ZSCAN25: variants seen among roughly 807,000 people sequenced by gnomAD.
ZSCAN25 encodes zinc finger and SCAN domain containing 25.
In ZSCAN25, 27 loss-of-function variants were observed where a neutral mutation model predicts 38.7. The ratio of observed to expected loss-of-function variants is 0.70; its 90% CI spans 0.51 to 0.96. The LOEUF (loss-of-function observed/expected upper bound fraction) is 0.96, where lower values mean the gene tolerates loss of function less well. Ranked by LOEUF, ZSCAN25 falls within the 40% of genes least tolerant of loss-of-function variation. ZSCAN25 has a pLI of 0.00. For synonymous variants in ZSCAN25, 273 were observed against 277.7 expected (o/e 0.98, Z 0.17); for missense variants, 637 against 705.9 (o/e 0.90, Z 1.11).
chr7:99,656,663 G>C, the ZSCAN25 span, among the ~76,000 whole-genome samples: 3 of 152,052 alleles, frequency 2.0e-5, no homozygotes, highest in South Asian at 2.1e-4. Flanking sequence ...ATGGTACCAG[G>C]TCCTCCTTGT....
At chr7:99,666,051 T>TATACCATATACACATATATTTG in the ZSCAN25 span, among the ~76,000 whole-genome samples, 1 of 152,224 alleles carries the variant, frequency 6.6e-6, no homozygotes, top group Non-Finnish European at 1.5e-5. Flanking sequence ...GCACATACCA[T>TATACCATATACACATATATTTG]TGTAGACAGC....
the ZSCAN25 span, among the ~76,000 whole-genome samples, chr7:99,673,624 C>T: frequency 6.6e-6 from 1 of 152,076 alleles, no homozygotes. Flanking sequence ...CAATCTGTTT[C>T]TCTATTATCT....
At chr7:99,637,914 T>C in the ZSCAN25 span, among the ~76,000 whole-genome samples, 1 of 152,130 alleles carries the variant, frequency 6.6e-6, no homozygotes. Context: ...AAATGAAAGA[T>C]TCTCTCGAAA....
the ZSCAN25 span, among the ~76,000 whole-genome samples, chr7:99,728,811 T>C: frequency 6.6e-6 from 1 of 152,174 alleles, no homozygotes. Flanking sequence ...ATAGCAGGTA[T>C]TTCAACTTCT....
the ZSCAN25 span, among the ~76,000 whole-genome samples, chr7:99,657,954 C>T: frequency 1.3e-5 from 2 of 152,116 alleles, no homozygotes; most frequent in Non-Finnish European, 1.5e-5. Flanking sequence ...TCCTCCATCC[C>T]TTTATTTTGA....
chr7:99,727,949 C>A, the ZSCAN25 span, among the ~76,000 whole-genome samples: 23 of 152,220 alleles, frequency 1.5e-4, no homozygotes, highest in African/African-American at 4.3e-4. Context: ...CCAAAAAAAG[C>A]TGGAGTCATT....
At chr7:99,709,473 A>G in the ZSCAN25 span, among the ~76,000 whole-genome samples, 1 of 152,126 alleles carries the variant, frequency 6.6e-6, no homozygotes, top group African/African-American at 2.4e-5. Flanking sequence ...AAAGCAGGAG[A>G]CATTCGGGAA....
At chr7:99,652,723 A>G in the ZSCAN25 span, 9 of 1,614,154 alleles carry the variant, frequency 5.6e-6, no homozygotes, top group Middle Eastern at 1.6e-4. Context: ...TGAGTGTTTC[A>G]TTCACCACCA....
chr7:99,640,610 T>C, the ZSCAN25 span, among the ~76,000 whole-genome samples: 1 of 152,220 alleles, frequency 6.6e-6, no homozygotes, highest in Non-Finnish European at 1.5e-5. Context: ...CCAGAAATTC[T>C]CCAAGCCAAA....
At chr7:99,721,309 A>C in the ZSCAN25 span, among the ~76,000 whole-genome samples, 4 of 152,246 alleles carry the variant, frequency 2.6e-5, no homozygotes, top group Non-Finnish European at 5.9e-5. Flanking sequence ...GAAAGTTTAA[A>C]AAAAAGAAAC....
At position 99,629,201 on chromosome 7, in the gene ZSCAN25, C is replaced by G; in HGVS notation, c.816C>G (p.Ser272Arg). Reference sequence around the variant, plus strand: ...CCTCCTGTCCTGTAGGCGGTGGGAGCAAGGAAAAGGAGGCAAAACCCCCAC... The same window carrying G: ...CCTCCTGTCCTGTAGGCGGTGGGAGGAAGGAAAAGGAGGCAAAACCCCCAC... Reference protein sequence around the residue: ...QDCRVSPGGGSKEKEAKPPQE... With the variant: ...QDCRVSPGGGRKEKEAKPPQE... Residue 272 changes from serine (S) to arginine (R), a missense_variant, in exon 8 of 8, where the codon AGC becomes AGG. Ser to Arg is a moderately radical substitution (Grantham distance 110). Transcript: ENST00000394152. This position sits in a 1 kb window ranked among gnomAD's most constrained non-coding sequence, Gnocchi z 5.6. The G allele has an allele frequency of 6.2e-7, 1 of 1,609,226 alleles. No individual in the cohort carries two copies. Among genetic ancestry groups the G allele is most frequent in the East Asian group, 2.2e-5 (1 of 44,810 alleles).
intron 5 of ZSCAN25, chr7:99,621,966 C>G (rs1191359194): frequency 1.3e-5 from 2 of 158,626 alleles, no homozygotes; most frequent in Non-Finnish European, 2.7e-5. Flanking sequence ...ACTCTGTCAC[C>G]CAGGTTGGAG....
the ZSCAN25 span, chr7:99,665,339 T>C: frequency 1.9e-6 from 3 of 1,613,584 alleles, no homozygotes; most frequent in South Asian, 2.2e-5. Flanking sequence ...ATATGGAAAA[T>C]TAAAATCAGC....
the ZSCAN25 span, among the ~76,000 whole-genome samples, chr7:99,669,765 A>G: frequency 6.6e-6 from 1 of 152,324 alleles, no homozygotes; most frequent in African/African-American, 2.4e-5. Context: ...AGACACAACT[A>G]AATCAAGAGA....
chr7:99,714,560 G>T, the ZSCAN25 span: 34 of 1,612,472 alleles, frequency 2.1e-5, no homozygotes, highest in African/African-American at 2.7e-5. Flanking sequence ...TTTACCTTTT[G>T]TGTCTCTTTG....
chr7:99,727,270 G>T, the ZSCAN25 span, among the ~76,000 whole-genome samples: 1 of 152,266 alleles, frequency 6.6e-6, no homozygotes, highest in African/African-American at 2.4e-5. Context: ...GTTTTAGGCT[G>T]GTCATCATGT....
At chr7:99,718,576 C>A in the ZSCAN25 span, among the ~76,000 whole-genome samples, 1 of 152,138 alleles carries the variant, frequency 6.6e-6, no homozygotes, top group South Asian at 2.1e-4. Flanking sequence ...CCCACTTCAT[C>A]TAAATCATTC....
At chr7:99,649,979 G>A in the ZSCAN25 span, 1 of 1,466,370 alleles carries the variant, frequency 6.8e-7, no homozygotes, top group African/African-American at 1.4e-5. Flanking sequence ...CCCATAGAAT[G>A]AATTATTAAA....
chr7:99,618,962 G>A (rs1806697139), intron 2 of ZSCAN25, 86 bp from the exon 3 acceptor site: 1 of 152,260 alleles, frequency 6.6e-6, no homozygotes. Flanking sequence ...TCATCCTTGA[G>A]TCAGCCTGGT....
Sources: allele counts gnomAD v4.1 joint callset (sites outside exome capture counted in the v4.1 genomes callset), GRCh38; gene constraint gnomAD v4.1.1; non-coding constraint Gnocchi (gnomAD v3.1); transcripts MANE v1.5; gene names NCBI Gene and HGNC (gene_info 2026-07-23, HGNC 2026-07-21).